Variants in PLCH2 observed in about 807,000 individuals in gnomAD.
PLCH2 encodes the protein 1-phosphatidylinositol 4,5-bisphosphate phosphodiesterase eta-2.
In PLCH2, 98 loss-of-function variants were observed where a neutral mutation model predicts 134.7. The observed-to-expected ratio is 0.73, with a 90% CI of 0.62 to 0.86. PLCH2 has a LOEUF of 0.86. PLCH2 is among the 40% of genes least tolerant of loss of function. The pLI, the probability that PLCH2 is intolerant of heterozygous loss-of-function variation, is 0.00. For synonymous variants in PLCH2, 974 were observed against 827.5 expected, an observed-to-expected ratio of 1.18 and a Z score of -3.04; for missense variants, 1,994 against 1,986.6, an observed-to-expected ratio of 1.00 and a Z score of -0.07.
chr1:2,427,818 G>A (rs1352172786), intron 1 of PLCH2, among the ~76,000 whole-genome samples: 1 of 152,120 alleles, frequency 6.6e-6, no homozygotes, highest in Non-Finnish European at 1.5e-5. Flanking sequence ...CTCCGGGGGT[G>A]GGAGCCCTCC....
At position 2,479,726 on chromosome 1, in the gene PLCH2, C is replaced by T; in HGVS notation, c.272-8C>T. The T allele has an allele frequency of 6.5e-7, 1 of 1,532,328 alleles. No individual in the cohort carries two copies. The highest frequency in any genetic ancestry group is 8.8e-7 in the Non-Finnish European group (1 of 1,132,802). 94.9% of individuals were successfully genotyped at this position (1,532,328 alleles called of 1,614,324 possible). Reference sequence around the variant, plus strand: ...GGACCTGACCCGTGCTCCCTCCCCACCCCGCAGTCTCCATCGACTCCATCC... The same window carrying T: ...GGACCTGACCCGTGCTCCCTCCCCATCCCGCAGTCTCCATCGACTCCATCC... On this transcript the variant is annotated splice_polypyrimidine_tract_variant and splice_region_variant and intron_variant, in intron 2 of 21. Transcript: ENST00000378486.
chr1:2,452,593 A>C (rs560418818), intron 2 of PLCH2, among the ~76,000 whole-genome samples: 9 of 152,266 alleles, frequency 5.9e-5, no homozygotes, highest in African/African-American at 2.2e-4. Flanking sequence ...GAGCAAATGC[A>C]CCGTTCACTC....
chr1:2,467,700 T>G, intron 1 of PLCH2: 1 of 405,352 alleles, frequency 2.5e-6, no homozygotes, highest in Non-Finnish European at 4.4e-6. Context: ...GGGGTTGTGA[T>G]GGTCCCCGTA....
At chr1:2,449,834 C>T (rs982187184) in intron 2 of PLCH2, among the ~76,000 whole-genome samples, 7 of 152,232 alleles carry the variant, frequency 4.6e-5, no homozygotes, top group Admixed American at 4.6e-4. Flanking sequence ...GCCCCAGCCT[C>T]GCCCCGTCCT....
rs749070313 is a variant in PLCH2 at position 2,504,953 on chromosome 1, G to A, written c.3991G>A (p.Gly1331Ser). 1.3e-6 allele frequency: 2 copies of A among 1,561,026 alleles called. No homozygotes were observed. The highest frequency in any genetic ancestry group is 1.4e-5 in the African/African-American group (1 of 73,722). Residue 1331 changes from glycine to serine, a missense_variant, in exon 22 of 22, where the codon GGC becomes AGC. By Grantham distance (56) the Gly-to-Ser change is moderately conservative. Around this residue, in one of 2 missense-constraint regions of PLCH2, gnomAD observed 900 missense variants for 752.3 expected, o/e 1.20. Transcript: ENST00000378486. The part of the protein sequence containing the change: ...LGPAGEGVAG[G>S]PGFVRRSSSR... The stretch of plus-strand genomic sequence containing the variant: ...CCCGGCTGGGGAGGGGGTGGCAGGG[G>A]GCCCTGGTTTTGTGCGGCGCTCCTC...
At chr1:2,419,860 C>T in the PLCH2 span, among the ~76,000 whole-genome samples, 1 of 152,182 alleles carries the variant, frequency 6.6e-6, no homozygotes, top group East Asian at 1.9e-4. Context: ...CTCAAGCCAG[C>T]CCTGGGCTGG....
upstream of PLCH2, among the ~76,000 whole-genome samples, chr1:2,463,652 G>C (rs904944732): frequency 6.6e-6 from 1 of 152,204 alleles, no homozygotes; most frequent in Non-Finnish European, 1.5e-5. Flanking sequence ...GTCAGAGCCC[G>C]CGACCCGAGA....
In PLCH2 at chr1:2,489,291, G is replaced by T. The variant is rs1295898125; in HGVS notation, c.1320G>T (p.Gly440=). Residue 440 remains glycine, a synonymous_variant, in exon 9 of 22, where the codon GGG becomes GGT. Transcript: ENST00000378486. ...CCCAGTATCTGACTGACATCCTTGG[G>T]GACAAGCTGGACCTGTCATCAGTGA... The part of the protein sequence containing the change: ...KMAQYLTDIL[G]DKLDLSSVSS... The T allele has an allele frequency of 6.2e-7, 1 of 1,613,832 alleles. No homozygotes were observed. The highest frequency in any genetic ancestry group is 1.3e-5 in the African/African-American group (1 of 75,054).
At chr1:2,441,721 C>T (rs901722389) in intron 2 of PLCH2, among the ~76,000 whole-genome samples, 4 of 152,108 alleles carry the variant, frequency 2.6e-5, no homozygotes, top group Non-Finnish European at 5.9e-5. Context: ...CTGGGAGTCC[C>T]GTGGGCCAGT....
chr1:2,497,936 C>A, intron 16 of PLCH2: 1 of 330,654 alleles, frequency 3.0e-6, no homozygotes, highest in Non-Finnish European at 5.6e-6. Flanking sequence ...CTGTGCCTGG[C>A]CCCTCTGTGG....
Position 2,489,888 on chromosome 1 carries a change from A to AG in PLCH2, c.1515+27dup, listed in dbSNP as rs373883153. 8.2e-5 allele frequency: 127 copies of AG among 1,544,678 alleles called. 1 individual carries two copies. In the African/African-American group the frequency reaches 1.3e-3, roughly 16 times the overall value. On this transcript the variant is annotated intron_variant, in intron 10 of 21. Coordinates refer to ENST00000378486, the MANE Select transcript of PLCH2 (RefSeq NM_014638.4). ...GGGATGTGAGTCGGGCTGGAGGTGG[A>AG]GGGGGGCGCGTGGAGCCTGCAGTTC...
Position 2,498,264 on chromosome 1 carries a change from G to A in PLCH2, c.2225-259G>A. On this transcript the variant is annotated intron_variant, in intron 16 of 21. Coordinates refer to ENST00000378486, the MANE Select transcript of PLCH2 (RefSeq NM_014638.4). The surrounding 1 kb of genome is among the most constrained non-coding windows in gnomAD (Gnocchi z 5.4). ...CCCCAGGGACCCAGACCCACCCCCA[G>A]AAGCCATGTGACCTCCTCGGCTCAG... 2.6e-6 allele frequency: 1 copy of A among 383,602 alleles called. No homozygotes were observed. The highest frequency in any genetic ancestry group is 4.8e-6 in the Non-Finnish European group (1 of 210,344). 23.8% of individuals were successfully genotyped at this position (383,602 alleles called of 1,614,324 possible). A position where few individuals can be genotyped will look rare whatever the true frequency, so the allele number is the denominator to read the frequency against.
chr1:2,468,823 C>G (rs1037762943), intron 1 of PLCH2, among the ~76,000 whole-genome samples: 1 of 152,184 alleles, frequency 6.6e-6, no homozygotes, highest in African/African-American at 2.4e-5. Context: ...GGGACTGAGC[C>G]TCTCTGAGCC....
At position 2,431,606 on chromosome 1, in the gene PLCH2, A is replaced by G. The variant is rs190807591; in HGVS notation, c.115+977A>G. 2.1e-4 allele frequency among the ~76,000 whole-genome samples: 32 copies of G among 152,216 alleles called. No homozygotes were observed. The East Asian group carries it at 5.0e-3, about 24-fold the overall frequency. On this transcript the variant is annotated intron_variant, in intron 2 of 3. Transcript: ENST00000609981. ...GCTTCCAGAGTCCTGGAGAGCTTCC[A>G]ACTCTGGCAGGGCCTGGGGGCGGGA...
chr1:2,489,329 C>T lies in PLCH2; in HGVS notation c.1358C>T (p.Ala453Val). The change falls in exon 9 of 22, where the codon GCC becomes GTC. Residue 453 changes from alanine (A) to valine (V), a missense_variant. Transcript: ENST00000378486. ...CTGTCATCAGTGAGCAGTGAAGATG[C>T]CACCACACTCCCCTCTCCACAGATG... ...LDLSSVSSED[A>V]TTLPSPQMLK... The T allele has an allele frequency of 1.9e-6, 3 of 1,613,860 alleles. No individual in the cohort carries two copies. Among genetic ancestry groups the T allele is most frequent in the Non-Finnish European group, 1.7e-6 (2 of 1,179,870 alleles).
At position 2,484,622 on chromosome 1, in the gene PLCH2, T is replaced by A; in HGVS notation, c.816+4T>A. ...CTTCCTGCAGGTGGAGCAGAAGGTG[T>A]GCTGCCCGGGGCAGGTGTTGGGGGG... On this transcript the variant is annotated splice_donor_region_variant and intron_variant, in intron 5 of 21. Transcript: ENST00000378486. 2.5e-6 allele frequency: 4 copies of A among 1,610,194 alleles called. No individual in the cohort carries two copies. The highest frequency in any genetic ancestry group is 3.4e-6 in the Non-Finnish European group (4 of 1,179,650).
At chr1:2,426,132 CTG>C (rs1322365062) in intron 1 of PLCH2, 1 of 152,266 alleles carries the variant, frequency 6.6e-6, no homozygotes, top group Admixed American at 6.5e-5. Context: ...GTGAAGGACA[CTG>C]TATCTGAGCC....
At chr1:2,463,567 C>T (rs1191221660), upstream of PLCH2, among the ~76,000 whole-genome samples, 1 of 152,246 alleles carries the variant, frequency 6.6e-6, no homozygotes, top group Non-Finnish European at 1.5e-5. Context: ...GAAGGCCCCA[C>T]ACCGCTGGCG....
intron 4 of PLCH2, among the ~76,000 whole-genome samples, chr1:2,482,439 G>A (rs1642022505): frequency 6.6e-6 from 1 of 152,190 alleles, no homozygotes; most frequent in Non-Finnish European, 1.5e-5. Context: ...CCAGACTTGG[G>A]GCTACCCTCA....
Sources: gnomAD v4.1 joint callset for allele counts (sites outside exome capture counted in the v4.1 genomes callset) on GRCh38, gnomAD v4.1.1 for gene constraint, gnomAD v4.1.1 regional missense constraint, Gnocchi (gnomAD v3.1) non-coding constraint, MANE v1.5 for transcripts, NCBI Gene and HGNC (gene_info 2026-07-23, HGNC 2026-07-21) for gene names.